The following NDFIP2 variants were observed in gnomAD, a reference collection of about 807,000 sequenced individuals.
The protein encoded by NDFIP2 is NEDD4 family-interacting protein 2.
NDFIP2 carries 19 observed loss-of-function variants against 36.0 expected under a neutral mutation model. The ratio of observed to expected loss-of-function variants is 0.53; its 90% CI spans 0.37 to 0.77. The LOEUF (loss-of-function observed/expected upper bound fraction) is 0.77. Ranked by LOEUF, NDFIP2 falls within the 30% of genes least tolerant of loss-of-function variation. The pLI, the probability that NDFIP2 is intolerant of heterozygous loss-of-function variation, is 0.00. For missense variants in NDFIP2, 446 were observed against 435.8 expected (o/e 1.02, Z -0.21); for synonymous variants, 181 against 167.7 (o/e 1.08, Z -0.61).
chr13:79,491,919 AT>A (rs1873238757), intron 1 of NDFIP2, among the ~76,000 whole-genome samples: 1 of 152,220 alleles, frequency 6.6e-6, no homozygotes, highest in Admixed American at 6.5e-5. Context: ...AAGTTGGGAA[AT>A]GCTGCAGTAG....
intron 1 of NDFIP2, among the ~76,000 whole-genome samples, chr13:79,510,384 T>G (rs936128190): frequency 2.0e-5 from 3 of 149,106 alleles, no homozygotes; most frequent in Non-Finnish European, 1.5e-5. Flanking sequence ...TTTTTTTTGT[T>G]TTTTTTTTTT....
chr13:79,527,078 T>C (rs758486592), intron 2 of NDFIP2, among the ~76,000 whole-genome samples: 9 of 152,156 alleles, frequency 5.9e-5, no homozygotes, highest in Non-Finnish European at 1.2e-4. Flanking sequence ...ATGGTTTCTT[T>C]GGAGTGTTAC....
At chr13:79,542,873 CT>C (rs970992740) in intron 4 of NDFIP2, among the ~76,000 whole-genome samples, 3 of 149,404 alleles carry the variant, frequency 2.0e-5, no homozygotes, top group Admixed American at 6.6e-5. Context: ...TTTTGTTTAC[CT>C]TTTTTTTCCT....
At chr13:79,549,151 G>A (rs1875803443) in intron 6 of NDFIP2, among the ~76,000 whole-genome samples, 1 of 151,876 alleles carries the variant, frequency 6.6e-6, no homozygotes, top group Non-Finnish European at 1.5e-5. Context: ...TTTTTATTTA[G>A]TCATACTGTT....
chr13:79,525,338 G>A (rs2783120), intron 2 of NDFIP2, among the ~76,000 whole-genome samples: 90,026 of 152,124 alleles, frequency 0.59, 27,477 homozygotes, highest in African/African-American at 0.72. Flanking sequence ...TGTGACAGCA[G>A]AACTAGCACA....
chr13:79,550,984 C>T (rs1875886223), intron 6 of NDFIP2, 33 bp from the exon 7 acceptor site: 1 of 1,268,954 alleles, frequency 7.9e-7, no homozygotes, highest in East Asian at 2.4e-5. Context: ...TGTATAAAAA[C>T]ATAGTATATC....
At chr13:79,515,923 C>CT (rs1212192583) in intron 1 of NDFIP2, among the ~76,000 whole-genome samples, 1,164 of 40,104 alleles carry the variant, frequency 0.029, 15 homozygotes, top group African/African-American at 0.087. Flanking sequence ...TAAGGTTTTT[C>CT]TTTTTTTTTT....
intron 1 of NDFIP2, among the ~76,000 whole-genome samples, chr13:79,506,139 A>T (rs927789740): frequency 5.3e-5 from 8 of 152,186 alleles, no homozygotes; most frequent in African/African-American, 1.7e-4. Flanking sequence ...AAACAGAAAG[A>T]TATGTTCCTT....
At chr13:79,536,103 T>C (rs1420290844) in intron 3 of NDFIP2, among the ~76,000 whole-genome samples, 5 of 152,226 alleles carry the variant, frequency 3.3e-5, no homozygotes, top group African/African-American at 1.2e-4. Context: ...TGCACGTATG[T>C]TATGGAATGG....
chr13:79,527,048 C>G (rs920309703), intron 2 of NDFIP2, among the ~76,000 whole-genome samples: 3 of 152,092 alleles, frequency 2.0e-5, no homozygotes, highest in African/African-American at 7.2e-5. Flanking sequence ...ATTTGAAGAT[C>G]ACTGGTGACT....
chr13:79,552,061 A>G lies in NDFIP2; in HGVS notation c.*3-455A>G, dbSNP rs942382012. Among the ~76,000 whole-genome samples the G allele has an allele frequency of 1.6e-4, 24 of 151,470 alleles. 1 individual carries two copies. Among genetic ancestry groups the G allele is most frequent in the Middle Eastern group, 6.8e-3 (2 of 294 alleles). ...TTATATAAGTTATACATAAGCTTAT[A>G]TAATTTACTTATTTCTGCTAGAGTA... On this transcript the variant is annotated intron_variant, in intron 7 of 7. Coordinates refer to ENST00000218652, the MANE Select transcript of NDFIP2 (RefSeq NM_019080.3).
chr13:79,498,092 G>T (rs529506921), intron 1 of NDFIP2, among the ~76,000 whole-genome samples: 1 of 151,818 alleles, frequency 6.6e-6, no homozygotes, highest in South Asian at 2.1e-4. Context: ...AGGTGAATTT[G>T]TGCTGAGAGG....
At chr13:79,518,420 A>C (rs566682901) in intron 1 of NDFIP2, among the ~76,000 whole-genome samples, 3 of 152,222 alleles carry the variant, frequency 2.0e-5, no homozygotes, top group Non-Finnish European at 4.4e-5. Context: ...TACATTCACT[A>C]TCTCACAAAA....
intron 1 of NDFIP2, among the ~76,000 whole-genome samples, chr13:79,482,397 G>T (rs561530023): frequency 1.3e-5 from 2 of 152,058 alleles, no homozygotes; most frequent in African/African-American, 4.8e-5. Context: ...GGTGACGTTG[G>T]AGATTCCTGT....
At chr13:79,500,424 A>C (rs1217843602) in intron 1 of NDFIP2, among the ~76,000 whole-genome samples, 1 of 152,044 alleles carries the variant, frequency 6.6e-6, no homozygotes, top group African/African-American at 2.4e-5. Flanking sequence ...ACAGCCTGGG[A>C]GAAAATCTTT....
chr13:79,491,123 T>C (rs1172562866), intron 1 of NDFIP2, among the ~76,000 whole-genome samples: 2 of 152,210 alleles, frequency 1.3e-5, no homozygotes, highest in Non-Finnish European at 2.9e-5. Context: ...ACCTCCCTTC[T>C]TTCTCCCTGA....
At chr13:79,507,937 GT>G (rs1267770831) in intron 1 of NDFIP2, among the ~76,000 whole-genome samples, 1 of 151,322 alleles carries the variant, frequency 6.6e-6, no homozygotes, top group African/African-American at 2.4e-5. Flanking sequence ...TTTTGTGAAT[GT>G]TTTTCTGCTT....
At position 79,543,675 on chromosome 13, in the gene NDFIP2, T is replaced by C; in HGVS notation, c.833T>C (p.Ile278Thr). ...FGLSLIKWILIVRFSDYFTGY... is the reference protein window; with the variant it reads ...FGLSLIKWILTVRFSDYFTGY... ...CTTTCCTTGATCAAATGGATCCTTA[T>C]TGTCAGGGTGAGTGTCTTGATAGCC... The change falls in exon 5 of 8, where the codon ATT (isoleucine) becomes ACT (threonine). Residue 278 changes from isoleucine (I) to threonine (T), a missense_variant. Coordinates refer to ENST00000218652, the MANE Select transcript of NDFIP2 (RefSeq NM_019080.3). 3 of 1,613,832 alleles carry C rather than the reference T, an allele frequency of 1.9e-6. No individual in the cohort carries two copies. The highest frequency in any genetic ancestry group is 1.1e-5 in the South Asian group (1 of 91,018).
chr13:79,523,645 A>T (rs1344455842), intron 2 of NDFIP2, among the ~76,000 whole-genome samples: 3 of 152,210 alleles, frequency 2.0e-5, no homozygotes, highest in Non-Finnish European at 2.9e-5. Flanking sequence ...AATAAAAGTT[A>T]TGTGAATGTA....
Sources: gnomAD v4.1 joint callset for allele counts (sites outside exome capture counted in the v4.1 genomes callset) on GRCh38, gnomAD v4.1.1 for gene constraint, MANE v1.5 for transcripts, NCBI Gene and HGNC (gene_info 2026-07-23, HGNC 2026-07-21) for gene names.